The following AGBL4 variants were observed in gnomAD, a reference collection of about 807,000 sequenced individuals.
AGBL4 encodes cytosolic carboxypeptidase 6.
A neutral mutation model predicts 66.4 loss-of-function variants in AGBL4; 58 were observed. The observed-to-expected ratio is 0.87, with a 90% CI of 0.71 to 1.09. The LOEUF is 1.09. Among genes scored for constraint, AGBL4 ranks in the 50% least tolerant of loss-of-function variants. The probability of loss-of-function intolerance (pLI) is 0.00; values close to 1 mark genes in which losing one functional copy is unlikely to be tolerated. For synonymous variants in AGBL4, 234 were observed against 222.9 expected (o/e 1.05, Z -0.44); for missense variants, 579 against 631.0 (o/e 0.92, Z 0.88).
intron 6 of AGBL4, chr1:48,818,365 C>T: frequency 1.5e-6 from 1 of 679,036 alleles, no homozygotes; most frequent in South Asian, 1.7e-5. Context: ...TGAAACATTG[C>T]ACTAAGTGAC....
chr1:49,941,196 T>G (rs1368882914), intron 1 of AGBL4, among the ~76,000 whole-genome samples: 1 of 152,098 alleles, frequency 6.6e-6, no homozygotes. Context: ...GTTTTTTAAG[T>G]CTCCCGTCAA....
At chr1:48,780,249 T>C (rs1253647059) in intron 6 of AGBL4, among the ~76,000 whole-genome samples, 1 of 139,514 alleles carries the variant, frequency 7.2e-6, no homozygotes, top group African/African-American at 2.7e-5. Flanking sequence ...TGTGTTCTCA[T>C]TGTTCACCTC....
chr1:48,824,979 T>C (rs1311574933), intron 6 of AGBL4, among the ~76,000 whole-genome samples: 1 of 152,216 alleles, frequency 6.6e-6, no homozygotes, highest in Non-Finnish European at 1.5e-5. Flanking sequence ...ACTGTAATAC[T>C]GACCTCAGCA....
chr1:49,738,103 C>T (rs776771634), intron 2 of AGBL4, among the ~76,000 whole-genome samples: 14 of 152,204 alleles, frequency 9.2e-5, no homozygotes, highest in Admixed American at 2.0e-4. Flanking sequence ...CGAAGCAGGG[C>T]GAGGAATCCC....
intron 5 of AGBL4, among the ~76,000 whole-genome samples, chr1:48,969,771 AATCTACCCTATAGGATTGCTGTAATAGT>A (rs1658759168): frequency 6.6e-6 from 1 of 152,142 alleles, no homozygotes; most frequent in Non-Finnish European, 1.5e-5. Flanking sequence ...ATCTAGGGCC[AATCTACCCTATAGGATTGCTGTAATAGT>A]ATCTACCCTA....
intron 3 of AGBL4, among the ~76,000 whole-genome samples, chr1:49,694,288 C>A (rs1004665590): frequency 6.6e-6 from 1 of 152,070 alleles, no homozygotes; most frequent in African/African-American, 2.4e-5. Context: ...CCTCACAAGT[C>A]AAACTTCATA....
chr1:48,856,679 A>G (rs1647165297), intron 6 of AGBL4, among the ~76,000 whole-genome samples: 2 of 152,226 alleles, frequency 1.3e-5, no homozygotes, highest in South Asian at 4.1e-4. Flanking sequence ...GGATCAGTCC[A>G]TCACCATCTA....
intron 5 of AGBL4, among the ~76,000 whole-genome samples, chr1:49,040,983 C>T (rs887097299): frequency 1.3e-5 from 2 of 152,014 alleles, no homozygotes; most frequent in African/African-American, 4.8e-5. Context: ...CTCATGATGT[C>T]CTTATCTTAA....
intron 3 of AGBL4, among the ~76,000 whole-genome samples, chr1:49,282,398 A>C (rs1255287448): frequency 2.6e-5 from 4 of 152,186 alleles, no homozygotes; most frequent in Non-Finnish European, 5.9e-5. Context: ...TACTATTCAA[A>C]AGACACTACA....
intron 1 of AGBL4, among the ~76,000 whole-genome samples, chr1:50,014,669 C>T (rs1470038151): frequency 6.6e-6 from 1 of 151,072 alleles, no homozygotes; most frequent in African/African-American, 2.4e-5. Flanking sequence ...GGACTACAGG[C>T]ACAAGCCAAC....
chr1:48,653,076 G>A (rs1447586133), intron 8 of AGBL4, among the ~76,000 whole-genome samples: 1 of 152,154 alleles, frequency 6.6e-6, no homozygotes, highest in Non-Finnish European at 1.5e-5. Flanking sequence ...ATGGAAAGTA[G>A]GTGCCAAAAC....
Position 49,329,361 on chromosome 1 carries a change from C to A in AGBL4, c.283-83497G>T, listed in dbSNP as rs554708451. The stretch of plus-strand genomic sequence containing the variant: ...GCTGTCTAAGCTACAGCTCTCCCAA[C>A]TTAAAAAAATAAAATAAAAATGTGC... On this transcript the variant is annotated intron_variant, in intron 3 of 13. Transcript: ENST00000371839. 2.0e-5 allele frequency among the ~76,000 whole-genome samples: 3 copies of A among 152,028 alleles called. No homozygotes were observed. In the South Asian group the frequency reaches 6.2e-4, roughly 32 times the overall value.
chr1:49,276,047 C>G (rs1457584370), intron 3 of AGBL4, among the ~76,000 whole-genome samples: 1 of 151,870 alleles, frequency 6.6e-6, no homozygotes, highest in Non-Finnish European at 1.5e-5. Context: ...AGACATTAAC[C>G]TTCACTTTCT....
intron 1 of AGBL4, among the ~76,000 whole-genome samples, chr1:49,886,585 G>A (rs980414458): frequency 6.6e-6 from 1 of 152,146 alleles, no homozygotes; most frequent in East Asian, 1.9e-4. Flanking sequence ...AGCTGCTTCT[G>A]TGATGATGAC....
intron 6 of AGBL4, among the ~76,000 whole-genome samples, chr1:48,826,282 A>G (rs1048256093): frequency 8.5e-5 from 13 of 152,176 alleles, no homozygotes; most frequent in Non-Finnish European, 1.9e-4. Flanking sequence ...CATTATACCA[A>G]TTGATAATTG....
At chr1:48,568,096 G>A (rs1312286323) in intron 11 of AGBL4, among the ~76,000 whole-genome samples, 1 of 152,164 alleles carries the variant, frequency 6.6e-6, no homozygotes, top group Non-Finnish European at 1.5e-5. Flanking sequence ...GGGCCCTCAA[G>A]CCCCACTGGG....
At chr1:48,650,475 T>A (rs1183364844) in intron 8 of AGBL4, among the ~76,000 whole-genome samples, 2 of 151,778 alleles carry the variant, frequency 1.3e-5, no homozygotes, top group African/African-American at 4.8e-5. Context: ...CCTTCCTTCC[T>A]TCCTTCTTTA....
At chr1:49,731,874 T>C (rs1649480903) in intron 2 of AGBL4, among the ~76,000 whole-genome samples, 3 of 152,170 alleles carry the variant, frequency 2.0e-5, no homozygotes. Flanking sequence ...CTTAAAGGTA[T>C]ACAAAAATCA....
intron 3 of AGBL4, among the ~76,000 whole-genome samples, chr1:49,285,225 A>G (rs1570337794): frequency 1.3e-5 from 2 of 152,302 alleles, no homozygotes; most frequent in African/African-American, 4.8e-5. Flanking sequence ...CTCACTCAAA[A>G]CCGCTCAACT....
Sources: allele counts gnomAD v4.1 joint callset (sites outside exome capture counted in the v4.1 genomes callset), GRCh38; gene constraint gnomAD v4.1.1; transcripts MANE v1.5; gene names NCBI Gene and HGNC (gene_info 2026-07-23, HGNC 2026-07-21).